The following BRCA2 variants were observed in gnomAD, a reference collection of about 807,000 sequenced individuals.
BRCA2 encodes breast cancer type 2 susceptibility protein.
In BRCA2, 203 loss-of-function variants were observed where a neutral mutation model predicts 276.7. The observed-to-expected ratio is 0.73, with a 90% CI of 0.65 to 0.82. The LOEUF is 0.82. Among genes scored for constraint, BRCA2 ranks in the 40% least tolerant of loss-of-function variants. BRCA2 has a pLI of 0.00. For missense variants in BRCA2, 3,920 were observed against 3,915.0 expected, an observed-to-expected ratio of 1.00 and a Z score of -0.03; for synonymous variants, 1,289 against 1,338.4, an observed-to-expected ratio of 0.96 and a Z score of 0.81.
At chr13:32,375,249 A>G in intron 20 of BRCA2, 1 of 343,246 alleles carries the variant, frequency 2.9e-6, no homozygotes, top group East Asian at 8.6e-5. Context: ...GCTCCTTATC[A>G]TTTAAGTTTT....
At chr13:32,389,248 A>G (rs922187520) in intron 24 of BRCA2, among the ~76,000 whole-genome samples, 1 of 152,206 alleles carries the variant, frequency 6.6e-6, no homozygotes, top group Non-Finnish European at 1.5e-5. Context: ...CTACTTTTAA[A>G]TACTATTTTC....
rs201726150 is a variant in BRCA2, at chr13:32,379,549, T to C, written c.8953+34T>C. ...GTAAATGCTTTGTTTTTATCAGTTT[T>C]ATTAACTTAAAAAATGACCTTACTA... On this transcript the variant is annotated intron_variant, in intron 22 of 26. Transcript: ENST00000380152. 1.0e-4 allele frequency: 162 copies of C among 1,599,448 alleles called. No individual in the cohort carries two copies. The highest frequency in any genetic ancestry group is 1.4e-4 in the Non-Finnish European group (159 of 1,172,062).
intron 21 of BRCA2, among the ~76,000 whole-genome samples, chr13:32,377,935 G>A (rs376172590): frequency 4.1e-4 from 63 of 152,286 alleles, no homozygotes; most frequent in African/African-American, 1.4e-3. Flanking sequence ...AATGTAAGCA[G>A]TGCTATACTG....
chr13:32,375,449 T>A (rs1017819847), intron 20 of BRCA2: 1 of 425,164 alleles, frequency 2.4e-6, no homozygotes, highest in Non-Finnish European at 4.7e-6. Context: ...CATGAAACAC[T>A]AGTGTTCTTA....
At chr13:32,391,910 C>T (rs1280191575) in intron 24 of BRCA2, among the ~76,000 whole-genome samples, 1 of 152,176 alleles carries the variant, frequency 6.6e-6, no homozygotes, top group Non-Finnish European at 1.5e-5. Flanking sequence ...GAGGAAACTA[C>T]ACTGTTTACT....
intron 20 of BRCA2, among the ~76,000 whole-genome samples, chr13:32,375,146 T>C (rs1000989571): frequency 5.9e-5 from 9 of 152,328 alleles, no homozygotes; most frequent in African/African-American, 2.2e-4. Flanking sequence ...GCCCCCGTGA[T>C]CCAGTTACCT....
rs2072542244 is a variant in BRCA2 at position 32,340,297 on chromosome 13, C to A, written c.5942C>A (p.Ala1981Glu). ...SANTCGIFST[A>E]SGKSVQVSDA... ...AATACTTGTGGGATTTTTAGCACAG[C>A]AAGTGGAAAATCTGTCCAGGTATCA... is the stretch of plus-strand genomic sequence containing the variant. The change falls in exon 11 of 27, where the codon GCA becomes GAA. Residue 1981 changes from alanine (A) to glutamate (E), a missense_variant. Around this residue, in one of 2 missense-constraint regions of BRCA2, gnomAD observed 3,263 missense variants for 3,156.9 expected, o/e 1.03. Transcript: ENST00000380152. 1 of 1,613,932 alleles carries A rather than the reference C, an allele frequency of 6.2e-7. No individual in the cohort carries two copies. The highest frequency in any genetic ancestry group is 8.5e-7 in the Non-Finnish European group (1 of 1,179,880).
rs756057155 is a variant in BRCA2 at position 32,355,124 on chromosome 13, G to C, written c.7271G>C (p.Arg2424Thr). The C allele has an allele frequency of 6.2e-7, 1 of 1,613,650 alleles. No homozygotes were observed. Among genetic ancestry groups the C allele is most frequent in the Non-Finnish European group, 8.5e-7 (1 of 1,179,690 alleles). ...SHFHRVEQCV[R>T]NINLEENRQK... ...TTTCACAGAGTTGAACAGTGTGTTA[G>C]GAATATTAACTTGGAGGAAAACAGA... Residue 2424 changes from arginine (R) to threonine (T), a missense_variant, in exon 14 of 27, where the codon AGG becomes ACG. This residue lies in a region of BRCA2 where 3,263 missense variants were observed against 3,156.9 expected (regional missense o/e 1.03). Transcript: ENST00000380152.
intron 24 of BRCA2, chr13:32,385,546 G>A (rs891735643): frequency 1.2e-5 from 3 of 252,184 alleles, no homozygotes; most frequent in Non-Finnish European, 1.6e-5. Context: ...TCACCATATA[G>A]GGCTTTGTGA....
At chr13:32,389,741 A>T (rs2072984605) in intron 24 of BRCA2, among the ~76,000 whole-genome samples, 1 of 152,168 alleles carries the variant, frequency 6.6e-6, no homozygotes, top group African/African-American at 2.4e-5. Context: ...GTGTTTCCAG[A>T]TAAGGCTGCA....
In BRCA2 at chr13:32,339,004, A is replaced by G. The variant is rs876660887; in HGVS notation, c.4649A>G (p.Glu1550Gly). 6.2e-7 allele frequency: 1 copy of G among 1,613,820 alleles called. No homozygotes were observed. The highest frequency in any genetic ancestry group is 1.7e-5 in the Admixed American group (1 of 59,958). ...DKVKNLFDEKEQGTSEITSFS... is the reference protein window; with the variant it reads ...DKVKNLFDEKGQGTSEITSFS... The stretch of plus-strand genomic sequence containing the variant: ...GTGAAAAACCTTTTTGATGAAAAAG[A>G]GCAAGGTACTAGTGAAATCACCAGT... Residue 1550 changes from glutamate to glycine, a missense_variant, in exon 11 of 27, where the codon GAG (glutamate) becomes GGG (glycine). Transcript: ENST00000380152.
At chr13:32,323,826 C>T (rs1399952265) in intron 3 of BRCA2, among the ~76,000 whole-genome samples, 4 of 152,120 alleles carry the variant, frequency 2.6e-5, no homozygotes. Flanking sequence ...CTATTGGAAC[C>T]ATATGAGTAC....
chr13:32,346,792 T>G, intron 12 of BRCA2, 35 bp from the exon 13 acceptor site: 1 of 1,524,216 alleles, frequency 6.6e-7, no homozygotes, highest in South Asian at 1.2e-5. Flanking sequence ...TCTTAGATTT[T>G]AACTAATATG....
intron 1 of BRCA2, 146 bp from the exon 2 acceptor site, chr13:32,316,276 C>G: frequency 1.5e-6 from 1 of 655,610 alleles, no homozygotes; most frequent in African/African-American, 1.8e-5. Context: ...TAAAATGTTC[C>G]CATCCTCACA....
In BRCA2 at chr13:32,326,151, GT is replaced by G; in HGVS notation, c.475+2del. 1 of 1,608,942 alleles carries G rather than the reference GT, an allele frequency of 6.2e-7. No individual in the cohort carries two copies. On this transcript the variant is annotated splice_donor_variant, in intron 5 of 26. Transcript: ENST00000380152. LOFTEE classifies it high-confidence loss of function. The stretch of plus-strand genomic sequence containing the variant: ...GTAACACCACAAAGAGATAAGTCAG[GT>G]ATGATTAAAAACAATGCTTTTTATT...
intron 13 of BRCA2, among the ~76,000 whole-genome samples, chr13:32,348,760 A>G (rs1810283272): frequency 6.6e-6 from 1 of 152,228 alleles, no homozygotes; most frequent in Non-Finnish European, 1.5e-5. Flanking sequence ...GGGAGCTTTC[A>G]GGATGATATT....
At chr13:32,363,966 A>G (rs972882427) in intron 18 of BRCA2, among the ~76,000 whole-genome samples, 2 of 152,218 alleles carry the variant, frequency 1.3e-5, no homozygotes, top group Non-Finnish European at 2.9e-5. Context: ...GGTCTGCAGT[A>G]TTGCTATCTG....
rs1042077901 is a variant in BRCA2, at chr13:32,338,141, A to T, written c.3786A>T (p.Ser1262=). The part of the protein sequence containing the change: ...SAEVHPISLS[S]SKCHDSVVSM... Reference sequence around the variant, plus strand: ...AGGTACATCCAATAAGTTTATCTTCAAGTAAATGTCATGATTCTGTTGTTT... The same window carrying T: ...AGGTACATCCAATAAGTTTATCTTCTAGTAAATGTCATGATTCTGTTGTTT... Residue 1262 remains serine (S), a synonymous_variant, in exon 11 of 27, where the codon TCA becomes TCT. Transcript: ENST00000380152. The T allele has an allele frequency of 2.5e-6, 4 of 1,602,940 alleles. No homozygotes were observed. In the Admixed American group the frequency reaches 5.1e-5, roughly 21 times the overall value.
rs567465519 is a variant in BRCA2, at chr13:32,395,532, T to C, written c.9501+599T>C. ...GGTAGGGAACTGTTTTTCTATTTTA[T>C]CAGTGAGAAACAGGTTAAATGGCTT... On this transcript the variant is annotated intron_variant, in intron 25 of 26. Coordinates refer to ENST00000380152, the MANE Select transcript of BRCA2 (RefSeq NM_000059.4). Among the ~76,000 whole-genome samples, 21 of 152,316 alleles carry C rather than the reference T, an allele frequency of 1.4e-4. No homozygotes were observed. In the South Asian group the frequency reaches 1.4e-3, roughly 11 times the overall value.
Sources: allele counts gnomAD v4.1 joint callset (sites outside exome capture counted in the v4.1 genomes callset), GRCh38; gene constraint gnomAD v4.1.1; regional missense constraint gnomAD v4.1.1; transcripts MANE v1.5; gene names NCBI Gene and HGNC (gene_info 2026-07-23, HGNC 2026-07-21).